The following GDF7 variants were observed in gnomAD, a reference collection of about 807,000 sequenced individuals.
GDF7 encodes growth differentiation factor 7.
Under a neutral mutation model 13.4 loss-of-function variants are expected in GDF7, and 12 were observed. The observed-to-expected ratio is 0.90, with a 90% CI of 0.57 to 1.45. The LOEUF is 1.45. GDF7 is among the 40% of genes most tolerant of loss of function. The pLI, the probability that GDF7 is intolerant of heterozygous loss-of-function variation, is 0.00. For synonymous variants in GDF7, 330 were observed against 306.4 expected, an observed-to-expected ratio of 1.08 and a Z score of -0.80; for missense variants, 651 against 652.4, an observed-to-expected ratio of 1.00 and a Z score of 0.02.
chr2:20,671,108 C>T lies in GDF7; in HGVS notation c.1036C>T (p.Arg346Trp). 1.9e-6 allele frequency: 3 copies of T among 1,595,742 alleles called. No individual in the cohort carries two copies. Among genetic ancestry groups the T allele is most frequent in the Non-Finnish European group, 2.6e-6 (3 of 1,172,192 alleles). Reference sequence around the variant, plus strand: ...GGGCCGGGGCCACGGGCGCAGGGGCCGGAGCCGCTGCAGCCGCAAGCCGTT... The same window carrying T: ...GGGCCGGGGCCACGGGCGCAGGGGCTGGAGCCGCTGCAGCCGCAAGCCGTT... Reference protein sequence around the residue: ...GAGRGHGRRGRSRCSRKPLHV... With the variant: ...GAGRGHGRRGWSRCSRKPLHV... Residue 346 changes from arginine to tryptophan, a missense_variant, in exon 2 of 2, where the codon CGG (arginine) becomes TGG (tryptophan). Physicochemically the swap from Arg to Trp is moderately radical, Grantham distance 101. Coordinates refer to ENST00000272224, the MANE Select transcript of GDF7 (RefSeq NM_182828.4).
At position 20,670,519 on chromosome 2, in the gene GDF7, C is replaced by T. The variant is rs776567882; in HGVS notation, c.447C>T (p.Asn149=). The change falls in exon 2 of 2, where the codon AAC becomes AAT. Residue 149 remains asparagine, a synonymous_variant. Transcript: ENST00000272224. The stretch of plus-strand genomic sequence containing the variant: ...TCCTGTTCGACGTGTCCAGCCTTAA[C>T]GACGCAGACGAGGTGGTGGGTGCCG... ...QSFLFDVSSL[N]DADEVVGAEL... is the part of the protein sequence containing the mutation. 6.3e-7 allele frequency: 1 copy of T among 1,596,532 alleles called. No individual in the cohort carries two copies. Among genetic ancestry groups the T allele is most frequent in the South Asian group, 1.1e-5 (1 of 88,080 alleles).
rs1662102388 is a variant in GDF7 at position 20,670,725 on chromosome 2, G to A, written c.653G>A (p.Arg218Lys). 1 of 1,480,592 alleles carries A rather than the reference G, an allele frequency of 6.8e-7. No homozygotes were observed. Among genetic ancestry groups the A allele is most frequent in the South Asian group, 1.3e-5 (1 of 76,184 alleles). 91.7% of individuals were successfully genotyped at this position (1,480,592 alleles called of 1,614,324 possible). Residue 218 changes from arginine (R) to lysine (K), a missense_variant, in exon 2 of 2, where the codon AGG (arginine) becomes AAG (lysine). Physicochemically the swap from Arg to Lys is conservative, Grantham distance 26 (BLOSUM62 2). Around this residue, in one of 4 missense-constraint regions of GDF7, gnomAD observed 487 missense variants for 445.9 expected, o/e 1.09. Transcript: ENST00000272224. ...WEAFDVADAMRRHRREPRPPR... is the reference protein window; with the variant it reads ...WEAFDVADAMKRHRREPRPPR... The stretch of plus-strand genomic sequence containing the variant: ...GCGTTCGACGTGGCGGACGCCATGA[G>A]GCGCCACCGTCGTGAACCGCGCCCC...
intron 1 of GDF7, among the ~76,000 whole-genome samples, chr2:20,668,288 CA>C (rs1274631610): frequency 6.6e-6 from 1 of 151,968 alleles, no homozygotes; most frequent in East Asian, 1.9e-4. Context: ...CTGGGAGAGC[CA>C]GAGGTCAAGG....
Position 20,672,012 on chromosome 2 carries a change from A to T in GDF7, c.*587A>T, listed in dbSNP as rs895736384. 5.3e-5 allele frequency: 8 copies of T among 151,816 alleles called. No homozygotes were observed. The highest frequency in any genetic ancestry group is 1.5e-4 in the African/African-American group (6 of 41,276). 9.4% of individuals were successfully genotyped at this position (151,816 alleles called of 1,614,324 possible). ...CATCTTTCTTTTTTTAACTTTTAAA[A>T]TTTAACGTGCCCCTGCTTCATTTTT... is the stretch of plus-strand genomic sequence containing the variant. On this transcript the variant is annotated 3_prime_UTR_variant, in exon 2 of 2. Transcript: ENST00000272224.
rs753665518 is a variant in GDF7 at position 20,670,992 on chromosome 2, C to T, written c.920C>T (p.Thr307Ile). The change falls in exon 2 of 2, where the codon ACC becomes ATC. Residue 307 changes from threonine (T) to isoleucine (I), a missense_variant. Thr to Ile is a moderately conservative substitution (Grantham distance 89). Coordinates refer to ENST00000272224, the MANE Select transcript of GDF7 (RefSeq NM_182828.4). ...SEPLPDPGTG[T>I]ASPRAVIGGR... Reference sequence around the variant, plus strand: ...CCGCTGCCCGACCCAGGAACCGGCACCGCGTCGCCAAGGGCAGTCATTGGC... The same window carrying T: ...CCGCTGCCCGACCCAGGAACCGGCATCGCGTCGCCAAGGGCAGTCATTGGC... The T allele has an allele frequency of 3.2e-6, 5 of 1,552,120 alleles. No individual in the cohort carries two copies. In the African/African-American group the frequency reaches 7.1e-5, roughly 22 times the overall value.
rs1285481928 is a variant in GDF7 at position 20,670,652 on chromosome 2, C to T, written c.580C>T (p.Leu194=). The T allele has an allele frequency of 1.3e-6, 2 of 1,544,090 alleles. No individual in the cohort carries two copies. The highest frequency in any genetic ancestry group is 1.9e-5 in the Admixed American group (1 of 51,696). The change falls in exon 2 of 2, where the codon CTG becomes TTG. Residue 194 remains leucine, a synonymous_variant. Transcript: ENST00000272224. ...CCCGGGCGCCGCCCGAGCGCCACGCCTGCTGTACTCGCGGGCAGCTGAGCC... is the reference window on the plus strand; with the variant it reads ...CCCGGGCGCCGCCCGAGCGCCACGCTTGCTGTACTCGCGGGCAGCTGAGCC... The part of the protein sequence containing the change: ...TCPGAARAPR[L]LYSRAAEPLV...
At position 20,667,163 on chromosome 2, in the gene GDF7, A is replaced by G. The variant is rs1695969777; in HGVS notation, c.-77A>G. On this transcript the variant is annotated 5_prime_UTR_variant, in exon 1 of 2. Coordinates refer to ENST00000272224, the MANE Select transcript of GDF7 (RefSeq NM_182828.4). The surrounding 1 kb of genome is among the most constrained non-coding windows in gnomAD (Gnocchi z 6.4). ...GCGCACACTTCCCCCATTATTAAAC[A>G]CTATGTTCAAAAGGCGCCGGGGGAC... 2.9e-6 allele frequency: 3 copies of G among 1,049,944 alleles called. No homozygotes were observed. The East Asian group carries it at 2.0e-4, about 70-fold the overall frequency. The allele number at this position is 1,049,944 out of a possible 1,614,324, so 65.0% of individuals were successfully genotyped here.
In GDF7 at chr2:20,676,696, G is replaced by A. The variant is rs1424496920; in HGVS notation, c.*5271G>A. On this transcript the variant is annotated 3_prime_UTR_variant, in exon 2 of 2. Transcript: ENST00000272224. The stretch of plus-strand genomic sequence containing the variant: ...AGGTACCCACCTTAACCAGAGCTTG[G>A]CTTGTGGCCTGCAACTTGGCGACAG... 2.5e-4 allele frequency: 38 copies of A among 152,264 alleles called. 1 individual carries two copies. Among genetic ancestry groups the A allele is most frequent in the Admixed American group, 2.5e-3 (38 of 15,290 alleles). 9.4% of individuals were successfully genotyped at this position (152,264 alleles called of 1,614,324 possible). A position where few individuals can be genotyped will look rare whatever the true frequency, so the allele number is the denominator to read the frequency against.
chr2:20,670,947 G>C lies in GDF7; in HGVS notation c.875G>C (p.Gly292Ala), dbSNP rs778783250. The change falls in exon 2 of 2, where the codon GGG (glycine) becomes GCG (alanine). Residue 292 changes from glycine to alanine, a missense_variant. By Grantham distance (60) the Gly-to-Ala change is moderately conservative. This residue lies in a region of GDF7 where 487 missense variants were observed against 445.9 expected (regional missense o/e 1.09). Coordinates refer to ENST00000272224, the MANE Select transcript of GDF7 (RefSeq NM_182828.4). Reference sequence around the variant, plus strand: ...ATCCGCGCCCAGGCCCGCGCGCTCGGGGCCGCTCTGGCCTCAGAGCCGCTG... The same window carrying C: ...ATCCGCGCCCAGGCCCGCGCGCTCGCGGCCGCTCTGGCCTCAGAGCCGCTG... ...REIRAQARAL[G>A]AALASEPLPD... 3 of 1,568,212 alleles carry C rather than the reference G, an allele frequency of 1.9e-6. No homozygotes were observed. The East Asian group carries it at 7.1e-5, about 37-fold the overall frequency.
rs2149312872 is a variant in GDF7 at position 20,677,112 on chromosome 2, G to A, written c.*5687G>A. 6.6e-6 allele frequency: 1 copy of A among 152,298 alleles called. No homozygotes were observed. The highest frequency in any genetic ancestry group is 1.9e-4 in the East Asian group (1 of 5,178). The allele number at this position is 152,298 out of a possible 1,614,324, so 9.4% of individuals were successfully genotyped here. A position where few individuals can be genotyped will look rare whatever the true frequency, so the allele number is the denominator to read the frequency against. The stretch of plus-strand genomic sequence containing the variant: ...GGTGAATTTGTTGGCAGGACAGCTT[G>A]GTGTGATGATACAAGAAGTACAGTT... On this transcript the variant is annotated 3_prime_UTR_variant, in exon 2 of 2. Coordinates refer to ENST00000272224, the MANE Select transcript of GDF7 (RefSeq NM_182828.4).
chr2:20,671,500 C>A lies in GDF7; in HGVS notation c.*75C>A. ...TGAGCAGCAGCGGGCCACCCTGTCA[C>A]CGAGCGTGGGTGCATGTCCGATGTG... is the stretch of plus-strand genomic sequence containing the variant. On this transcript the variant is annotated 3_prime_UTR_variant, in exon 2 of 2. Transcript: ENST00000272224. The A allele has an allele frequency of 1.3e-6, 2 of 1,492,410 alleles. No homozygotes were observed. The highest frequency in any genetic ancestry group is 1.3e-5 in the South Asian group (1 of 77,238). The allele number at this position is 1,492,410 out of a possible 1,614,324, so 92.4% of individuals were successfully genotyped here.
chr2:20,676,934 C>G lies in GDF7; in HGVS notation c.*5509C>G, dbSNP rs1213721294. ...GATGGTCCACTTCCTCCTGCCTCTG[C>G]AGAGCTTGCAGGCCTCTTCTAGCAT... On this transcript the variant is annotated 3_prime_UTR_variant, in exon 2 of 2. Transcript: ENST00000272224. The G allele has an allele frequency of 6.6e-6, 1 of 152,270 alleles. No individual in the cohort carries two copies. Among genetic ancestry groups the G allele is most frequent in the Non-Finnish European group, 1.5e-5 (1 of 68,056 alleles). 9.4% of individuals were successfully genotyped at this position (152,270 alleles called of 1,614,324 possible).
rs759999217 is a variant in GDF7 at position 20,671,046 on chromosome 2, C to G, written c.974C>G (p.Ala325Gly). ...CGCAGACGGAGGAGGACGGCGTTGG[C>G]CGGGACGCGGACAGCGCAGGGCAGC... ...GGRRRRRTAL[A>G]GTRTAQGSGG... The change falls in exon 2 of 2, where the codon GCC becomes GGC. Residue 325 changes from alanine (A) to glycine (G), a missense_variant. Coordinates refer to ENST00000272224, the MANE Select transcript of GDF7 (RefSeq NM_182828.4). The G allele has an allele frequency of 5.3e-6, 8 of 1,512,018 alleles. No individual in the cohort carries two copies. The highest frequency in any genetic ancestry group is 7.1e-6 in the Non-Finnish European group (8 of 1,131,474). 93.7% of individuals were successfully genotyped at this position (1,512,018 alleles called of 1,614,324 possible).
chr2:20,670,856 G>A lies in GDF7; in HGVS notation c.784G>A (p.Ala262Thr). The A allele has an allele frequency of 6.6e-7, 1 of 1,503,948 alleles. No homozygotes were observed. Among genetic ancestry groups the A allele is most frequent in the East Asian group, 2.7e-5 (1 of 37,338 alleles). 93.2% of individuals were successfully genotyped at this position (1,503,948 alleles called of 1,614,324 possible). The change falls in exon 2 of 2, where the codon GCA becomes ACA. Residue 262 changes from alanine (A) to threonine (T), a missense_variant. Physicochemically the swap from Ala to Thr is moderately conservative, Grantham distance 58. Transcript: ENST00000272224. Reference sequence around the variant, plus strand: ...CTGGCCGGGCGGAGGGGGCTCTGCGGCAGAGGAGCGCGCGGTGCTAGTCGT... The same window carrying A: ...CTGGCCGGGCGGAGGGGGCTCTGCGACAGAGGAGCGCGCGGTGCTAGTCGT... ...FGWPGGGGSA[A>T]EERAVLVVSS...
intron 1 of GDF7, among the ~76,000 whole-genome samples, chr2:20,670,257 A>G (rs1662087446): frequency 6.6e-6 from 1 of 152,170 alleles, no homozygotes; most frequent in Non-Finnish European, 1.5e-5. Flanking sequence ...CGGTTCGGAT[A>G]TCCCGGGCGA....
chr2:20,670,555 G>T lies in GDF7; in HGVS notation c.483G>T (p.Val161=), dbSNP rs1473882783. ...AGGTGGTGGGTGCCGAGCTGCGCGT[G>T]CTGCGCCGGGGATCTCCAGAGTCGG... ...ADEVVGAELR[V]LRRGSPESGP... Residue 161 remains valine, a synonymous_variant, in exon 2 of 2, where the codon GTG becomes GTT. Transcript: ENST00000272224. 1 of 1,607,214 alleles carries T rather than the reference G, an allele frequency of 6.2e-7. No individual in the cohort carries two copies. Among genetic ancestry groups the T allele is most frequent in the East Asian group, 2.2e-5 (1 of 44,502 alleles).
Position 20,671,686 on chromosome 2 carries a change from A to C in GDF7, c.*261A>C. On this transcript the variant is annotated 3_prime_UTR_variant, in exon 2 of 2. Transcript: ENST00000272224. ...CTGTGTATTTTGCAAACAGATAACC[A>C]TGGCGCCCACTGCCCCCATTTAGGG... 10 of 470,574 alleles carry C rather than the reference A, an allele frequency of 2.1e-5. No individual in the cohort carries two copies. Among genetic ancestry groups the C allele is most frequent in the East Asian group, 4.0e-5 (1 of 25,260 alleles). The allele number at this position is 470,574 out of a possible 1,614,324, so 29.1% of individuals were successfully genotyped here.
Position 20,671,365 on chromosome 2 carries a change from C to T in GDF7, c.1293C>T (p.Ala431=), listed in dbSNP as rs1231816948. The T allele has an allele frequency of 3.7e-6, 6 of 1,613,184 alleles. 1 individual carries two copies. The South Asian group carries it at 5.5e-5, about 15-fold the overall frequency. Residue 431 remains alanine (A), a synonymous_variant, in exon 2 of 2, where the codon GCC becomes GCT. Transcript: ENST00000272224. ...SPISILYIDA[A]NNVVYKQYED... ...TCAGCATCCTCTACATCGACGCCGC[C>T]AACAACGTTGTCTACAAGCAATACG...
Position 20,671,669 on chromosome 2 carries a change from T to G in GDF7, c.*244T>G. 1.9e-6 allele frequency: 1 copy of G among 519,690 alleles called. No individual in the cohort carries two copies. The highest frequency in any genetic ancestry group is 2.3e-5 in the South Asian group (1 of 42,988). 32.2% of individuals were successfully genotyped at this position (519,690 alleles called of 1,614,324 possible). ...TACCGAATGTCAAAGCCCTGTGTAT[T>G]TTGCAAACAGATAACCATGGCGCCC... On this transcript the variant is annotated 3_prime_UTR_variant, in exon 2 of 2. Transcript: ENST00000272224.
Sources: gnomAD v4.1 joint callset for allele counts (sites outside exome capture counted in the v4.1 genomes callset) on GRCh38, gnomAD v4.1.1 for gene constraint, gnomAD v4.1.1 regional missense constraint, Gnocchi (gnomAD v3.1) non-coding constraint, MANE v1.5 for transcripts, NCBI Gene and HGNC (gene_info 2026-07-23, HGNC 2026-07-21) for gene names.